Variants in VTI1A observed in about 807,000 individuals in gnomAD.
VTI1A encodes vesicle transport through interaction with t-SNAREs homolog 1A.
VTI1A carries 22 observed loss-of-function variants against 34.9 expected under a neutral mutation model. The ratio of observed to expected loss-of-function variants is 0.63; its 90% CI spans 0.45 to 0.90. The LOEUF is 0.90. VTI1A is among the 40% of genes least tolerant of loss of function. VTI1A has a pLI of 0.00. For synonymous variants in VTI1A, 87 were observed against 97.3 expected (o/e 0.89, Z 0.62); for missense variants, 268 against 275.6 (o/e 0.97, Z 0.20).
chr10:112,841,643 A>G, the VTI1A span, among the ~76,000 whole-genome samples: 1 of 152,134 alleles, frequency 6.6e-6, no homozygotes, highest in Non-Finnish European at 1.5e-5. Context: ...CAAAATAGAA[A>G]GGTGGTGAAG....
intron 5 of VTI1A, among the ~76,000 whole-genome samples, chr10:112,611,982 C>T (rs1369727076): frequency 6.6e-6 from 1 of 151,964 alleles, no homozygotes; most frequent in Non-Finnish European, 1.5e-5. Context: ...ACCTCGTGGT[C>T]CGCCCGCCTC....
intron 7 of VTI1A, among the ~76,000 whole-genome samples, chr10:112,772,091 T>A (rs978094933): frequency 7.2e-5 from 11 of 152,252 alleles, no homozygotes; most frequent in African/African-American, 2.7e-4. Context: ...CTAGATCAAA[T>A]GGTAACTCTG....
intron 3 of VTI1A, among the ~76,000 whole-genome samples, chr10:112,517,209 GC>G (rs1441247841): frequency 6.6e-6 from 1 of 152,120 alleles, no homozygotes; most frequent in South Asian, 2.1e-4. Flanking sequence ...GGAGTGTGGT[GC>G]TGAATCTGTT....
chr10:112,579,716 T>C (rs1426575430), intron 5 of VTI1A, among the ~76,000 whole-genome samples: 4 of 151,918 alleles, frequency 2.6e-5, no homozygotes, highest in Admixed American at 2.6e-4. Context: ...AGAATACTAA[T>C]AGAGAAGAAA....
At chr10:112,590,615 G>A (rs1300650072) in intron 5 of VTI1A, among the ~76,000 whole-genome samples, 1 of 152,196 alleles carries the variant, frequency 6.6e-6, no homozygotes, top group East Asian at 1.9e-4. Context: ...CTAGGAGGTC[G>A]AGGCTACAGT....
chr10:112,461,930 G>C (rs1391440409), intron 2 of VTI1A, among the ~76,000 whole-genome samples: 1 of 152,196 alleles, frequency 6.6e-6, no homozygotes, highest in African/African-American at 2.4e-5. Context: ...TAGCCAGGCT[G>C]GTCTTGAACT....
intron 7 of VTI1A, among the ~76,000 whole-genome samples, chr10:112,688,967 C>T (rs1848525118): frequency 6.6e-6 from 1 of 152,100 alleles, no homozygotes; most frequent in African/African-American, 2.4e-5. Context: ...AATTTGGTTT[C>T]AGAAAATAAA....
At chr10:112,586,886 G>A (rs1248083583) in intron 5 of VTI1A, among the ~76,000 whole-genome samples, 1 of 152,146 alleles carries the variant, frequency 6.6e-6, no homozygotes, top group Admixed American at 6.5e-5. Context: ...AATGGCCAGT[G>A]GTTTTGAGCA....
At chr10:112,840,330 C>G in the VTI1A span, among the ~76,000 whole-genome samples, 3 of 152,082 alleles carry the variant, frequency 2.0e-5, no homozygotes, top group African/African-American at 4.8e-5. Context: ...ATAGGATGCC[C>G]CCTTCTAGTT....
chr10:112,816,326 G>T lies in VTI1A; in HGVS notation c.*943G>T. On this transcript the variant is annotated 3_prime_UTR_variant, in exon 8 of 8. Transcript: ENST00000393077. ...AGCAAGAACATGACTCCATCAGTGT[G>T]AAATTTCAAATGTGATTATAAATAT... 1 of 218,404 alleles carries T rather than the reference G, an allele frequency of 4.6e-6. No individual in the cohort carries two copies. Among genetic ancestry groups the T allele is most frequent in the East Asian group, 6.7e-5 (1 of 14,842 alleles). The allele number at this position is 218,404 out of a possible 1,614,324, so 13.5% of individuals were successfully genotyped here. A position where few individuals can be genotyped will look rare whatever the true frequency, so the allele number is the denominator to read the frequency against.
chr10:112,829,260 C>T, the VTI1A span, among the ~76,000 whole-genome samples: 6 of 151,616 alleles, frequency 4.0e-5, no homozygotes, highest in Non-Finnish European at 7.4e-5. Context: ...CGGGCTAACA[C>T]GGTGAAACCC....
the VTI1A span, among the ~76,000 whole-genome samples, chr10:112,842,487 C>A: frequency 6.6e-6 from 1 of 152,246 alleles, no homozygotes; most frequent in Non-Finnish European, 1.5e-5. Context: ...AGGATGAGAA[C>A]TGGTCCAGGT....
chr10:112,796,733 G>A (rs1852689128), intron 7 of VTI1A, among the ~76,000 whole-genome samples: 1 of 152,200 alleles, frequency 6.6e-6, no homozygotes, highest in Admixed American at 6.5e-5. Context: ...TGTTTAGGCT[G>A]AAAGGAAATT....
At chr10:112,786,001 C>T (rs1194853674) in intron 7 of VTI1A, among the ~76,000 whole-genome samples, 1 of 151,966 alleles carries the variant, frequency 6.6e-6, no homozygotes, top group Non-Finnish European at 1.5e-5. Flanking sequence ...TTCATTTTCA[C>T]CGCCCCCCCA....
At position 112,475,038 on chromosome 10, in the gene VTI1A, G is replaced by T. The variant is rs1384932896; in HGVS notation, c.264+10381G>T. Among the ~76,000 whole-genome samples the T allele has an allele frequency of 2.0e-5, 3 of 152,182 alleles. No homozygotes were observed. In the East Asian group the frequency reaches 5.8e-4, roughly 29 times the overall value. On this transcript the variant is annotated intron_variant, in intron 3 of 7. Coordinates refer to ENST00000393077, the MANE Select transcript of VTI1A (RefSeq NM_145206.4). ...ATCACCCTGCTCTCCTTATCCAAGAGCCTATAAAAGGTTCGTGTTCTTGAC... is the reference window on the plus strand; with the variant it reads ...ATCACCCTGCTCTCCTTATCCAAGATCCTATAAAAGGTTCGTGTTCTTGAC...
intron 3 of VTI1A, among the ~76,000 whole-genome samples, chr10:112,475,237 T>C (rs899771228): frequency 6.6e-6 from 1 of 152,258 alleles, no homozygotes; most frequent in African/African-American, 2.4e-5. Context: ...TGAAACTGTT[T>C]GCCTTTAGCT....
At chr10:112,728,307 T>C (rs1850118924) in intron 7 of VTI1A, among the ~76,000 whole-genome samples, 1 of 152,186 alleles carries the variant, frequency 6.6e-6, no homozygotes. Flanking sequence ...TGGGTATGTG[T>C]TGCAAGAGTG....
intron 7 of VTI1A, among the ~76,000 whole-genome samples, chr10:112,724,393 G>A (rs973952448): frequency 2.0e-5 from 3 of 152,102 alleles, no homozygotes; most frequent in African/African-American, 7.2e-5. Context: ...GGTACTGTTG[G>A]TACTTGTTTT....
intron 5 of VTI1A, among the ~76,000 whole-genome samples, chr10:112,632,579 G>A (rs773014227): frequency 2.7e-4 from 41 of 152,172 alleles, no homozygotes; most frequent in South Asian, 6.2e-4. Context: ...CAGCCACTGC[G>A]GGCAGGGATA....
Sources: gnomAD v4.1 joint callset for allele counts (sites outside exome capture counted in the v4.1 genomes callset) on GRCh38, gnomAD v4.1.1 for gene constraint, MANE v1.5 for transcripts, NCBI Gene and HGNC (gene_info 2026-07-23, HGNC 2026-07-21) for gene names.